Variants in MALRD1 observed in about 807,000 individuals in gnomAD.
MALRD1 encodes the protein MAM and LDL-receptor class A domain-containing protein 1.
A neutral mutation model predicts 242.1 loss-of-function variants in MALRD1; 247 were observed. The observed-to-expected ratio is 1.02, with a 90% confidence interval of 0.92 to 1.13. The LOEUF (loss-of-function observed/expected upper bound fraction) is 1.13, where lower values mean the gene tolerates loss of function less well. MALRD1 is among the 50% of genes most tolerant of loss of function. The pLI is 0.00. For missense variants in MALRD1, 2,989 were observed against 2,533.1 expected, an observed-to-expected ratio of 1.18 and a Z score of -3.86; for synonymous variants, 995 against 866.6, an observed-to-expected ratio of 1.15 and a Z score of -2.60.
intron 2 of MALRD1, among the ~76,000 whole-genome samples, chr10:19,079,954 A>G (rs1448233761): frequency 6.6e-6 from 1 of 152,060 alleles, no homozygotes; most frequent in Non-Finnish European, 1.5e-5. Flanking sequence ...AAAAATTGCT[A>G]GCACTCCTAT....
At chr10:19,237,513 C>CATATATATATATATATATAT (rs34727263) in intron 18 of MALRD1, among the ~76,000 whole-genome samples, 22 of 113,696 alleles carry the variant, frequency 1.9e-4, no homozygotes, top group Non-Finnish European at 3.5e-4. Flanking sequence ...TGTGTGTGTC[C>CATATATATATATATATATAT]ATATATATAT....
intron 21 of MALRD1, among the ~76,000 whole-genome samples, chr10:19,308,011 T>G (rs763429464): frequency 5.3e-5 from 8 of 151,546 alleles, no homozygotes; most frequent in Admixed American, 1.3e-4. Flanking sequence ...CTTCAAGAAT[T>G]TATCCTTTGT....
Position 19,209,527 on chromosome 10 carries a change from T to C in MALRD1, c.2838T>C (p.Tyr946=). The C allele has an allele frequency of 1.9e-6, 3 of 1,550,744 alleles. No individual in the cohort carries two copies. Residue 946 remains tyrosine, a synonymous_variant, in exon 18 of 40, where the codon TAT becomes TAC. Coordinates refer to ENST00000454679, the MANE Select transcript of MALRD1 (RefSeq NM_001142308.3). ...CAAAAGGCTGCACCTTCCGCTTCTA[T>C]TACCACATGTTTGGAAAGCGCATTT... is the stretch of plus-strand genomic sequence containing the variant. ...TDTKGCTFRF[Y]YHMFGKRIYR... is the part of the protein sequence containing the mutation.
At chr10:19,489,209 A>G in intron 29 of MALRD1, 1 of 472,840 alleles carries the variant, frequency 2.1e-6, no homozygotes. Context: ...GGCGAAGCCG[A>G]AAAAGGCAGC....
intron 28 of MALRD1, among the ~76,000 whole-genome samples, chr10:19,449,717 T>C (rs1403226561): frequency 6.6e-6 from 1 of 152,132 alleles, no homozygotes. Context: ...AAGAGAAATG[T>C]AAAAATAACT....
At chr10:19,228,447 C>A (rs1394819278) in intron 18 of MALRD1, among the ~76,000 whole-genome samples, 4 of 152,168 alleles carry the variant, frequency 2.6e-5, no homozygotes, top group African/African-American at 9.6e-5. Flanking sequence ...TGCAGATTTT[C>A]TGTATCTTGA....
At chr10:19,336,752 T>G (rs1398283117) in intron 24 of MALRD1, among the ~76,000 whole-genome samples, 1 of 152,166 alleles carries the variant, frequency 6.6e-6, no homozygotes, top group African/African-American at 2.4e-5. Flanking sequence ...AAAAATGTTT[T>G]GCCTTAAAAA....
At chr10:19,515,462 TTA>T (rs1460202113) in intron 31 of MALRD1, among the ~76,000 whole-genome samples, 1 of 152,204 alleles carries the variant, frequency 6.6e-6, no homozygotes, top group Non-Finnish European at 1.5e-5. Flanking sequence ...AGGCAAAATT[TTA>T]TCTCTGTCCT....
intron 31 of MALRD1, among the ~76,000 whole-genome samples, chr10:19,519,119 G>T (rs987500747): frequency 1.3e-5 from 2 of 151,792 alleles, no homozygotes; most frequent in Non-Finnish European, 2.9e-5. Context: ...GTATATACTT[G>T]TTCTAATTTT....
intron 18 of MALRD1, among the ~76,000 whole-genome samples, chr10:19,235,466 T>C (rs911516900): frequency 2.5e-5 from 3 of 118,594 alleles, no homozygotes; most frequent in African/African-American, 1.0e-4. Flanking sequence ...TTAATCGGGT[T>C]ATTTTTTTTT....
At chr10:19,732,652 T>A (rs1182627432) in intron 39 of MALRD1, among the ~76,000 whole-genome samples, 1 of 152,248 alleles carries the variant, frequency 6.6e-6, no homozygotes, top group South Asian at 2.1e-4. Flanking sequence ...TGAGATCTTT[T>A]CAATTTTATG....
chr10:19,650,667 G>A (rs769972781), intron 36 of MALRD1, among the ~76,000 whole-genome samples: 2 of 152,130 alleles, frequency 1.3e-5, no homozygotes, highest in Non-Finnish European at 2.9e-5. Context: ...TAGGAGATAG[G>A]GAGTTTCTCA....
At chr10:19,187,036 A>G (rs1315257759) in intron 14 of MALRD1, among the ~76,000 whole-genome samples, 1 of 152,218 alleles carries the variant, frequency 6.6e-6, no homozygotes, top group Non-Finnish European at 1.5e-5. Flanking sequence ...TCTTTGGGTT[A>G]TAGGTTTAGA....
chr10:19,357,669 A>G (rs1844697099), intron 26 of MALRD1, among the ~76,000 whole-genome samples: 1 of 152,106 alleles, frequency 6.6e-6, no homozygotes, highest in South Asian at 2.1e-4. Context: ...TTAATTTCTC[A>G]TTACTGCAAA....
intron 12 of MALRD1, among the ~76,000 whole-genome samples, chr10:19,161,550 C>CAAAAAAAA: frequency 1.8e-4 from 11 of 60,838 alleles, no homozygotes; most frequent in Non-Finnish European, 2.1e-4. Flanking sequence ...AAAAAAAAAG[C>CAAAAAAAA]AAAAAAAAAA....
intron 38 of MALRD1, among the ~76,000 whole-genome samples, chr10:19,702,214 A>G (rs1487345084): frequency 6.6e-6 from 1 of 152,244 alleles, no homozygotes; most frequent in African/African-American, 2.4e-5. Context: ...AAATTATTTT[A>G]GGAAATATTC....
At chr10:19,575,207 C>T (rs1836747184) in intron 33 of MALRD1, among the ~76,000 whole-genome samples, 1 of 152,142 alleles carries the variant, frequency 6.6e-6, no homozygotes, top group African/African-American at 2.4e-5. Context: ...GGATGCAAAA[C>T]CCACATATAC....
chr10:19,101,834 A>G (rs1193181676), intron 4 of MALRD1, among the ~76,000 whole-genome samples: 3 of 136,636 alleles, frequency 2.2e-5, no homozygotes, highest in Non-Finnish European at 4.6e-5. Context: ...AATATGTTAT[A>G]TCTCTACTTG....
intron 29 of MALRD1, among the ~76,000 whole-genome samples, chr10:19,459,874 A>G (rs534328463): frequency 4.0e-5 from 6 of 151,856 alleles, no homozygotes; most frequent in African/African-American, 1.4e-4. Flanking sequence ...TTAAGAAAAA[A>G]TAATTATTTG....
Sources: gnomAD v4.1 joint callset for allele counts (sites outside exome capture counted in the v4.1 genomes callset) on GRCh38, gnomAD v4.1.1 for gene constraint, MANE v1.5 for transcripts, NCBI Gene and HGNC (gene_info 2026-07-23, HGNC 2026-07-21) for gene names.